Variants in GPHN observed in about 807,000 individuals in gnomAD.
GPHN encodes gephyrin.
Under a neutral mutation model 95.5 loss-of-function variants are expected in GPHN, and 17 were observed. That is an observed-to-expected ratio of 0.18 (90% CI 0.12 to 0.27). The LOEUF (loss-of-function observed/expected upper bound fraction) is 0.27, where lower values mean the gene tolerates loss of function less well. Ranked by LOEUF, GPHN falls within the 10% of genes least tolerant of loss-of-function variation. The probability of loss-of-function intolerance (pLI) is 1.00; values close to 1 mark genes in which losing one functional copy is unlikely to be tolerated. For synonymous variants in GPHN, 320 were observed against 322.5 expected, an observed-to-expected ratio of 0.99 and a Z score of 0.08; for missense variants, 660 against 978.1, an observed-to-expected ratio of 0.67 and a Z score of 4.34.
At chr14:67,456,174 C>T in the GPHN span, among the ~76,000 whole-genome samples, 6 of 152,184 alleles carry the variant, frequency 3.9e-5, no homozygotes, top group Non-Finnish European at 8.8e-5. Flanking sequence ...AGAGACACTT[C>T]TCAAAAGACG....
chr14:66,921,658 G>A (rs1468306525), intron 6 of GPHN, among the ~76,000 whole-genome samples: 2 of 152,046 alleles, frequency 1.3e-5, no homozygotes, highest in Non-Finnish European at 2.9e-5. Context: ...CAAATTCTAT[G>A]CCATTCCCAT....
chr14:67,521,593 G>C, the GPHN span, among the ~76,000 whole-genome samples: 1 of 152,130 alleles, frequency 6.6e-6, no homozygotes. Flanking sequence ...AGTGGATAAG[G>C]ACTATGCAGT....
At chr14:67,281,726 G>T in the GPHN span, among the ~76,000 whole-genome samples, 1 of 152,032 alleles carries the variant, frequency 6.6e-6, no homozygotes, top group African/African-American at 2.4e-5. Context: ...GCTTCAGCCG[G>T]ATTCACTTAG....
At chr14:67,058,955 G>A (rs1190489824) in intron 11 of GPHN, 169 bp downstream of exon 11, 1 of 675,210 alleles carries the variant, frequency 1.5e-6, no homozygotes, top group East Asian at 2.7e-5. Context: ...AAGGCTAAGG[G>A]TTCAGCCTTA....
intron 5 of GPHN, among the ~76,000 whole-genome samples, chr14:66,912,488 G>A (rs1449105149): frequency 1.3e-5 from 2 of 151,996 alleles, no homozygotes; most frequent in Non-Finnish European, 2.9e-5. Flanking sequence ...AAAACAATGC[G>A]CTATGTAACA....
chr14:67,256,801 C>CACACACACAA, the GPHN span, among the ~76,000 whole-genome samples: 3 of 151,670 alleles, frequency 2.0e-5, no homozygotes, highest in African/African-American at 7.3e-5. Flanking sequence ...ACTATTGACA[C>CACACACACAA]ACACACACAC....
rs371629259 is a variant in GPHN at position 66,723,986 on chromosome 14, T to TACAC, written c.143+42833_143+42836dup. Among the ~76,000 whole-genome samples, 1,104 of 127,936 alleles carry TACAC rather than the reference T, an allele frequency of 8.6e-3. 15 individuals are homozygous for TACAC. Among genetic ancestry groups the TACAC allele is most frequent in the South Asian group, 0.042 (182 of 4,286 alleles). The allele number at this position is 127,936 out of a possible 152,430, so 83.9% of individuals were successfully genotyped here. The stretch of plus-strand genomic sequence containing the variant: ...ATCACAAATCTATGTCATGCATACA[T>TACAC]ACACACACACACACACACACACACA... On this transcript the variant is annotated intron_variant, in intron 2 of 22. Transcript: ENST00000478722.
the GPHN span, among the ~76,000 whole-genome samples, chr14:67,293,041 A>G: frequency 6.6e-6 from 1 of 152,152 alleles, no homozygotes; most frequent in East Asian, 1.9e-4. Context: ...TAAGCATTAT[A>G]CATTATAAAC....
At chr14:67,423,005 A>AT in the GPHN span, among the ~76,000 whole-genome samples, 52 of 150,748 alleles carry the variant, frequency 3.4e-4, no homozygotes, top group African/African-American at 1.2e-3. Flanking sequence ...CTAATTTTTT[A>AT]TTTTTTTTAG....
chr14:66,648,069 G>C (rs141693287), intron 1 of GPHN, among the ~76,000 whole-genome samples: 37 of 152,262 alleles, frequency 2.4e-4, no homozygotes, highest in Non-Finnish European at 5.1e-4. Flanking sequence ...TTGGAGATAA[G>C]TTTTATGATT....
chr14:67,280,421 C>T, the GPHN span, among the ~76,000 whole-genome samples: 1 of 152,132 alleles, frequency 6.6e-6, no homozygotes, highest in Non-Finnish European at 1.5e-5. Context: ...TTGTCATTGT[C>T]ATCATTTTGC....
chr14:67,426,585 T>G, the GPHN span, among the ~76,000 whole-genome samples: 10 of 151,796 alleles, frequency 6.6e-5, no homozygotes, highest in African/African-American at 2.4e-4. Context: ...TTTTGTTTTG[T>G]TTTTTTTGAG....
chr14:67,478,415 TG>T, the GPHN span, among the ~76,000 whole-genome samples: 3 of 152,376 alleles, frequency 2.0e-5, no homozygotes, highest in South Asian at 6.2e-4. Context: ...GCCACTGCTC[TG>T]GTTCACGCCC....
the GPHN span, among the ~76,000 whole-genome samples, chr14:67,339,468 G>C: frequency 6.6e-6 from 1 of 152,024 alleles, no homozygotes; most frequent in African/African-American, 2.4e-5. Context: ...CTAACTCCAG[G>C]TCTAAGACCC....
chr14:66,857,477 C>T (rs545657848), intron 4 of GPHN, among the ~76,000 whole-genome samples: 1 of 152,244 alleles, frequency 6.6e-6, no homozygotes, highest in Admixed American at 6.5e-5. Context: ...TGACAGCAGG[C>T]TTTTCGACAA....
the GPHN span, among the ~76,000 whole-genome samples, chr14:67,321,778 G>T: frequency 2.0e-5 from 3 of 152,102 alleles, no homozygotes; most frequent in Non-Finnish European, 4.4e-5. Flanking sequence ...TTGCATTTCA[G>T]ATTTTTGGAT....
In GPHN at chr14:66,615,628, A is replaced by G. The variant is rs1248224532; in HGVS notation, c.65-65479A>G. On this transcript the variant is annotated intron_variant, in intron 1 of 22. Coordinates refer to ENST00000478722, the MANE Select transcript of GPHN (RefSeq NM_020806.5). ...ATTCTGGATATTAGACCTTTGTCCA[A>G]TGTGTAGATTGCAAAAATTTTCTCC... Among the ~76,000 whole-genome samples the G allele has an allele frequency of 2.0e-5, 3 of 151,974 alleles. No homozygotes were observed. The East Asian group carries it at 5.8e-4, about 29-fold the overall frequency.
At chr14:67,280,513 TACTCTG>T in the GPHN span, among the ~76,000 whole-genome samples, 3 of 152,222 alleles carry the variant, frequency 2.0e-5, no homozygotes, top group Non-Finnish European at 2.9e-5. Flanking sequence ...CTGTTAACAG[TACTCTG>T]TAATCTCCAT....
At chr14:66,873,273 C>A (rs1435654899) in intron 4 of GPHN, among the ~76,000 whole-genome samples, 1 of 152,206 alleles carries the variant, frequency 6.6e-6, no homozygotes, top group Non-Finnish European at 1.5e-5. Flanking sequence ...AACCGCAGAC[C>A]AGGAGATTCC....
Sources: gnomAD v4.1 joint callset for allele counts (sites outside exome capture counted in the v4.1 genomes callset) on GRCh38, gnomAD v4.1.1 for gene constraint, MANE v1.5 for transcripts, NCBI Gene and HGNC (gene_info 2026-07-23, HGNC 2026-07-21) for gene names.